ADCY8: variants seen among roughly 807,000 people sequenced by gnomAD.
ADCY8 encodes the protein adenylate cyclase type 8.
In ADCY8, 51 loss-of-function variants were observed where a neutral mutation model predicts 119.7. The ratio of observed to expected loss-of-function variants is 0.43; its 90% confidence interval spans 0.34 to 0.54. ADCY8 has a LOEUF of 0.54. ADCY8 is among the 20% of genes least tolerant of loss of function. The probability of loss-of-function intolerance (pLI) is 0.03; values close to 1 mark genes in which losing one functional copy is unlikely to be tolerated. For synonymous variants in ADCY8, 665 were observed against 651.0 expected (o/e 1.02, Z -0.33); for missense variants, 1,383 against 1,598.8 (o/e 0.87, Z 2.30).
In ADCY8 at chr8:131,040,514, C is replaced by G. The variant is rs1182532686; in HGVS notation, c.-181G>C. The stretch of plus-strand genomic sequence containing the variant: ...GGTCGGGTCATACTGTGCCCAGGGG[C>G]AAAGGGCACCTGGAAGATCGCGGCG... On this transcript the variant is annotated 5_prime_UTR_variant, in exon 1 of 18. Transcript: ENST00000286355. 3 of 608,446 alleles carry G rather than the reference C, an allele frequency of 4.9e-6. No homozygotes were observed. In the African/African-American group the frequency reaches 5.7e-5, roughly 12 times the overall value. The allele number at this position is 608,446 out of a possible 1,614,324, so 37.7% of individuals were successfully genotyped here.
At chr8:130,846,711 TCCTTCCTTCC>T (rs1337378417) in intron 11 of ADCY8, among the ~76,000 whole-genome samples, 1 of 131,488 alleles carries the variant, frequency 7.6e-6, no homozygotes, top group African/African-American at 2.9e-5. Flanking sequence ...CTACCTTCCG[TCCTTCCTTCC>T]CCTTCCTTCC....
chr8:130,977,430 C>A (rs1241800527), intron 2 of ADCY8, among the ~76,000 whole-genome samples: 1 of 152,106 alleles, frequency 6.6e-6, no homozygotes, highest in African/African-American at 2.4e-5. Flanking sequence ...CTTTTTTCCT[C>A]TTTTCATACT....
chr8:130,818,876 T>G (rs1233386676), intron 13 of ADCY8, among the ~76,000 whole-genome samples: 2 of 152,228 alleles, frequency 1.3e-5, no homozygotes, highest in Non-Finnish European at 2.9e-5. Flanking sequence ...CAGTCTGGCG[T>G]TTCTTACAGG....
Position 130,797,235 on chromosome 8 carries a change from C to A in ADCY8, c.3060+3191G>T, listed in dbSNP as rs564879757. Among the ~76,000 whole-genome samples, 4 of 151,644 alleles carry A rather than the reference C, an allele frequency of 2.6e-5. No homozygotes were observed. The South Asian group carries it at 6.3e-4, about 24-fold the overall frequency. ...TAAAACATTATGAGACTTTTTTTTG[C>A]GAATTTTTTTAAAGCCCATCAGCTA... On this transcript the variant is annotated intron_variant, in intron 15 of 17. Coordinates refer to ENST00000286355, the MANE Select transcript of ADCY8 (RefSeq NM_001115.3).
intron 14 of ADCY8, among the ~76,000 whole-genome samples, chr8:130,807,844 C>T (rs558877087): frequency 3.6e-4 from 54 of 148,938 alleles, no homozygotes; most frequent in Admixed American, 6.1e-4. Context: ...ATTAGCCGGG[C>T]GTAGTGGCGG....
intron 2 of ADCY8, among the ~76,000 whole-genome samples, chr8:130,971,888 T>C (rs918740993): frequency 2.6e-5 from 4 of 152,240 alleles, no homozygotes; most frequent in Non-Finnish European, 4.4e-5. Context: ...GAGGCTTGTG[T>C]ACTAAGCTGG....
rs1378938535 is a variant in ADCY8 at position 130,992,400 on chromosome 8, T to TGCCTGGC, written c.961-1859_961-1858insGCCAGGC. On this transcript the variant is annotated intron_variant, in intron 1 of 17. Coordinates refer to ENST00000286355, the MANE Select transcript of ADCY8 (RefSeq NM_001115.3). ...TATCTGGCATATATATATATATATA[T>TGCCTGGC]ATATATATATATATATATATATATA... 8.8e-4 allele frequency among the ~76,000 whole-genome samples: 27 copies of TGCCTGGC among 30,546 alleles called. 4 individuals carry two copies. The highest frequency in any genetic ancestry group is 3.3e-3 in the African/African-American group (25 of 7,516). 20.0% of individuals were successfully genotyped at this position (30,546 alleles called of 152,430 possible).
chr8:130,885,092 C>T (rs1563712206), intron 7 of ADCY8, among the ~76,000 whole-genome samples: 1 of 151,676 alleles, frequency 6.6e-6, no homozygotes, highest in Non-Finnish European at 1.5e-5. Flanking sequence ...GAAAGAGAAC[C>T]AAAAAAATAA....
chr8:130,947,223 C>T (rs947056407), intron 3 of ADCY8, among the ~76,000 whole-genome samples: 3 of 152,286 alleles, frequency 2.0e-5, no homozygotes, highest in African/African-American at 7.2e-5. Flanking sequence ...TCAATAGAAT[C>T]ATTAGGAACG....
intron 1 of ADCY8, among the ~76,000 whole-genome samples, chr8:131,023,633 T>C (rs937380273): frequency 2.0e-5 from 3 of 152,234 alleles, no homozygotes; most frequent in Admixed American, 1.3e-4. Flanking sequence ...TTGATATTTA[T>C]CTTACTACAT....
intron 12 of ADCY8, among the ~76,000 whole-genome samples, chr8:130,827,593 T>TTTCCTTTCTC (rs1243179612): frequency 4.1e-4 from 62 of 152,292 alleles, no homozygotes; most frequent in African/African-American, 1.3e-3. Context: ...AGAGAGCTAG[T>TTTCCTTTCTC]TTCCTTTCTC....
chr8:131,030,849 G>A (rs901264493), intron 1 of ADCY8, among the ~76,000 whole-genome samples: 26 of 152,238 alleles, frequency 1.7e-4, no homozygotes, highest in Admixed American at 1.6e-3. Flanking sequence ...TAATTATGTC[G>A]CCTGAAATAC....
intron 4 of ADCY8, among the ~76,000 whole-genome samples, chr8:130,940,074 T>A (rs574710450): frequency 1.1e-4 from 16 of 152,354 alleles, no homozygotes; most frequent in African/African-American, 3.8e-4. Context: ...TCATTGAGCA[T>A]GTACTATGTG....
intron 11 of ADCY8, among the ~76,000 whole-genome samples, chr8:130,837,705 C>A (rs1226724848): frequency 6.6e-6 from 1 of 152,046 alleles, no homozygotes; most frequent in African/African-American, 2.4e-5. Flanking sequence ...CTCTGACTAT[C>A]AGGAACAAAA....
intron 1 of ADCY8, among the ~76,000 whole-genome samples, chr8:131,009,317 GC>G (rs529304810): frequency 2.0e-4 from 31 of 152,310 alleles, no homozygotes; most frequent in Admixed American, 4.6e-4. Context: ...CCCAGTCATG[GC>G]TAAAAGGGGC....
At chr8:130,978,273 A>C (rs996017722) in intron 2 of ADCY8, among the ~76,000 whole-genome samples, 1 of 152,218 alleles carries the variant, frequency 6.6e-6, no homozygotes, top group African/African-American at 2.4e-5. Context: ...CCTGTAATTA[A>C]TATACAAAAG....
chr8:130,897,191 TG>T (rs1338904378), intron 7 of ADCY8, among the ~76,000 whole-genome samples: 3 of 152,108 alleles, frequency 2.0e-5, no homozygotes, highest in Non-Finnish European at 4.4e-5. Context: ...CAGTTCACTC[TG>T]AGGAGCCTGA....
Position 131,040,190 on chromosome 8 carries a change from C to T in ADCY8, c.144G>A (p.Gln48=), listed in dbSNP as rs1403697453. Residue 48 remains glutamine (Q), a synonymous_variant, in exon 1 of 18, where the codon CAG becomes CAA. Transcript: ENST00000286355. ...CTCCCCGGTGCCCGTGAATGAAGCG[C>T]TGCTCCGTGATGTGTCGCACCGCCG... ...WQTAVRHITE[Q]RFIHGHRGGS... 2.0e-6 allele frequency: 3 copies of T among 1,534,994 alleles called. No homozygotes were observed. The highest frequency in any genetic ancestry group is 2.6e-6 in the Non-Finnish European group (3 of 1,146,822).
rs1473487743 is a variant in ADCY8 at position 130,821,244 on chromosome 8, CA to C, written c.2754+97del. 12 of 939,840 alleles carry C rather than the reference CA, an allele frequency of 1.3e-5. 1 individual carries two copies. The Admixed American group carries it at 2.5e-4, about 19-fold the overall frequency. 58.2% of individuals were successfully genotyped at this position (939,840 alleles called of 1,614,324 possible). ...TTTAAGAACCACAACTTGCCACAGGCAGCTAAAAGTTATTTGCTGCAAAGAG... is the reference window on the plus strand; with the variant it reads ...TTTAAGAACCACAACTTGCCACAGGCGCTAAAAGTTATTTGCTGCAAAGAG... On this transcript the variant is annotated intron_variant, in intron 13 of 17. Transcript: ENST00000286355.
Sources: gnomAD v4.1 joint callset for allele counts (sites outside exome capture counted in the v4.1 genomes callset) on GRCh38, gnomAD v4.1.1 for gene constraint, MANE v1.5 for transcripts, NCBI Gene and HGNC (gene_info 2026-07-23, HGNC 2026-07-21) for gene names.